Variants in GABRB2 observed in about 807,000 individuals in gnomAD.
GABRB2 encodes gamma-aminobutyric acid receptor subunit beta-2.
A neutral mutation model predicts 54.7 loss-of-function variants in GABRB2; 16 were observed. The ratio of observed to expected loss-of-function variants is 0.29; its 90% confidence interval spans 0.20 to 0.44. GABRB2 has a LOEUF of 0.44. Among genes scored for constraint, GABRB2 ranks in the 20% least tolerant of loss-of-function variants. The pLI is 1.00. For missense variants in GABRB2, 355 were observed against 644.0 expected, an observed-to-expected ratio of 0.55 and a Z score of 4.86; for synonymous variants, 244 against 233.8, an observed-to-expected ratio of 1.04 and a Z score of -0.40.
intron 4 of GABRB2, among the ~76,000 whole-genome samples, chr5:161,448,620 C>T (rs556826200): frequency 6.6e-6 from 1 of 152,120 alleles, no homozygotes; most frequent in South Asian, 2.1e-4. Context: ...GTCAGTTTTC[C>T]CTAATCTGGA....
chr5:161,465,519 G>A (rs1355616634), intron 3 of GABRB2, among the ~76,000 whole-genome samples: 1 of 151,910 alleles, frequency 6.6e-6, no homozygotes, highest in Non-Finnish European at 1.5e-5. Context: ...AACACTTTTT[G>A]TTTTTGCTTT....
intron 9 of GABRB2, among the ~76,000 whole-genome samples, chr5:161,312,591 T>G (rs1468260659): frequency 6.6e-6 from 1 of 152,202 alleles, no homozygotes; most frequent in Non-Finnish European, 1.5e-5. Context: ...GCTGTGTGAA[T>G]GAATACGTTA....
intron 5 of GABRB2, among the ~76,000 whole-genome samples, chr5:161,407,584 T>G (rs534110857): frequency 2.6e-5 from 4 of 152,194 alleles, no homozygotes; most frequent in South Asian, 2.1e-4. Flanking sequence ...TATGTAGGCT[T>G]GGGCATAACT....
intron 4 of GABRB2, among the ~76,000 whole-genome samples, chr5:161,432,651 A>G (rs1447193844): frequency 6.6e-6 from 1 of 152,170 alleles, no homozygotes; most frequent in East Asian, 1.9e-4. Flanking sequence ...ATTGAAACAT[A>G]TGTCTGGAAA....
chr5:161,303,845 T>A (rs151248661), intron 9 of GABRB2, among the ~76,000 whole-genome samples: 10 of 152,220 alleles, frequency 6.6e-5, no homozygotes, highest in African/African-American at 2.2e-4. Context: ...GCCCTCAGTG[T>A]TCTTTATTTA....
intron 4 of GABRB2, among the ~76,000 whole-genome samples, chr5:161,446,958 C>T (rs1197101907): frequency 6.7e-6 from 1 of 150,148 alleles, no homozygotes; most frequent in Non-Finnish European, 1.5e-5. Flanking sequence ...TTTACCACCA[C>T]CATTTTCTCT....
At chr5:161,431,927 A>G (rs1757181052) in intron 4 of GABRB2, among the ~76,000 whole-genome samples, 1 of 152,242 alleles carries the variant, frequency 6.6e-6, no homozygotes, top group Admixed American at 6.6e-5. Flanking sequence ...TGTTCAATAA[A>G]ACTTTCCAGA....
In GABRB2 at chr5:161,377,759, A is replaced by G. The variant is rs968768861; in HGVS notation, c.541+33216T>C. On this transcript the variant is annotated intron_variant, in intron 5 of 9. Transcript: ENST00000393959. ...TAGGATCCTAGAGATTTCAACATTT[A>G]TTTTTCCCCTTAAAAATAGCCCTTT... 1.2e-4 allele frequency among the ~76,000 whole-genome samples: 19 copies of G among 152,082 alleles called. 1 individual carries two copies. The highest frequency in any genetic ancestry group is 2.2e-4 in the Non-Finnish European group (15 of 67,926).
At chr5:161,442,753 T>A (rs1757503864) in intron 4 of GABRB2, among the ~76,000 whole-genome samples, 1 of 151,492 alleles carries the variant, frequency 6.6e-6, no homozygotes, top group African/African-American at 2.4e-5. Context: ...TTCAATTCTC[T>A]CTCTCTCTCT....
chr5:161,507,491 G>T (rs1759641323), intron 3 of GABRB2, among the ~76,000 whole-genome samples: 1 of 151,950 alleles, frequency 6.6e-6, no homozygotes, highest in Non-Finnish European at 1.5e-5. Context: ...AAGTACTGAA[G>T]GATAAAAGGC....
At chr5:161,404,156 T>C (rs549510441) in intron 5 of GABRB2, among the ~76,000 whole-genome samples, 92 of 152,224 alleles carry the variant, frequency 6.0e-4, no homozygotes, top group African/African-American at 2.2e-3. Context: ...ATCCAAGCAC[T>C]TGTCTATGGT....
At chr5:161,543,306 A>T (rs540477094) in intron 3 of GABRB2, among the ~76,000 whole-genome samples, 1 of 152,370 alleles carries the variant, frequency 6.6e-6, no homozygotes, top group East Asian at 1.9e-4. Context: ...AAAATGTTGC[A>T]TGTAGGCAAA....
At chr5:161,439,932 T>C (rs1757417282) in intron 4 of GABRB2, among the ~76,000 whole-genome samples, 1 of 151,874 alleles carries the variant, frequency 6.6e-6, no homozygotes, top group Non-Finnish European at 1.5e-5. Flanking sequence ...CATGTTTACC[T>C]ATATAACAAA....
At chr5:161,440,062 C>CAAAAAAAAAAA (rs61152845) in intron 4 of GABRB2, among the ~76,000 whole-genome samples, 3 of 77,186 alleles carry the variant, frequency 3.9e-5, no homozygotes, top group East Asian at 3.7e-4. Context: ...AACCTCAAAC[C>CAAAAAAAAAAA]AAAAAAAAAA....
At chr5:161,299,361 T>C (rs1164195641) in intron 9 of GABRB2, among the ~76,000 whole-genome samples, 1 of 152,182 alleles carries the variant, frequency 6.6e-6, no homozygotes. Context: ...GCCAATGGCA[T>C]GCCGTGAGTC....
At chr5:161,408,034 C>T (rs959155638) in intron 5 of GABRB2, among the ~76,000 whole-genome samples, 1 of 152,110 alleles carries the variant, frequency 6.6e-6, no homozygotes, top group East Asian at 1.9e-4. Context: ...CTTTAAGATG[C>T]TATAGAACTA....
chr5:161,336,722 T>A lies in GABRB2; in HGVS notation c.589A>T (p.Asn197Tyr). The change falls in exon 6 of 10, where the codon AAT becomes TAT. Residue 197 changes from asparagine (N) to tyrosine (Y), a missense_variant. By Grantham distance (143) the Asn-to-Tyr change is moderately radical. Coordinates refer to ENST00000393959, the MANE Select transcript of GABRB2 (RefSeq NM_001371727.1). ...DIEFYWRGDDNAVTGVTKIEL... is the reference protein window; with the variant it reads ...DIEFYWRGDDYAVTGVTKIEL... ...ATTTTCGTTACTCCTGTTACTGCAT[T>A]ATCATCGCCACGCCAGTAAAACTCA... The A allele has an allele frequency of 6.2e-7, 1 of 1,612,838 alleles. No individual in the cohort carries two copies. Among genetic ancestry groups the A allele is most frequent in the South Asian group, 1.1e-5 (1 of 91,030 alleles).
chr5:161,428,274 A>T (rs2113165929), intron 4 of GABRB2, among the ~76,000 whole-genome samples: 1 of 145,854 alleles, frequency 6.9e-6, no homozygotes, highest in Admixed American at 6.9e-5. Context: ...CATATCTATC[A>T]TCTCAGAGAG....
At chr5:161,382,208 A>G (rs1755489949) in intron 5 of GABRB2, among the ~76,000 whole-genome samples, 1 of 152,170 alleles carries the variant, frequency 6.6e-6, no homozygotes, top group Non-Finnish European at 1.5e-5. Context: ...TGTCAGGGCT[A>G]TGTGGTTCAG....
Sources: allele counts gnomAD v4.1 joint callset (sites outside exome capture counted in the v4.1 genomes callset), GRCh38; gene constraint gnomAD v4.1.1; transcripts MANE v1.5; gene names NCBI Gene and HGNC (gene_info 2026-07-23, HGNC 2026-07-21).